The following BCO2 variants were observed in gnomAD, a reference collection of about 807,000 sequenced individuals.
The protein encoded by BCO2 is beta-carotene oxygenase 2.
In BCO2, 56 loss-of-function variants were observed where a neutral mutation model predicts 65.8. The ratio of observed to expected loss-of-function variants is 0.85; its 90% CI spans 0.69 to 1.06. The LOEUF is 1.06. Ranked by LOEUF, BCO2 falls within the 50% of genes least tolerant of loss-of-function variation. BCO2 has a pLI of 0.00. For missense variants in BCO2, 675 were observed against 698.5 expected, an observed-to-expected ratio of 0.97 and a Z score of 0.38; for synonymous variants, 233 against 242.3, an observed-to-expected ratio of 0.96 and a Z score of 0.36.
chr11:112,194,128 A>C (rs1352881605), intron 4 of BCO2, 134 bp downstream of exon 4: 14 of 623,284 alleles, frequency 2.2e-5, no homozygotes, highest in Non-Finnish European at 3.7e-5. Flanking sequence ...TTCATGATGC[A>C]GGTCACCTTT....
chr11:112,176,711 G>C (rs1592829202), intron 1 of BCO2, among the ~76,000 whole-genome samples: 1 of 152,266 alleles, frequency 6.6e-6, no homozygotes, highest in South Asian at 2.1e-4. Flanking sequence ...CATTTGGAAA[G>C]CATCCACTAT....
Position 112,217,836 on chromosome 11 carries a change from A to T in BCO2, c.1702A>T (p.Met568Leu), listed in dbSNP as rs761732355. 3 of 1,614,128 alleles carry T rather than the reference A, an allele frequency of 1.9e-6. No individual in the cohort carries two copies. The highest frequency in any genetic ancestry group is 2.5e-6 in the Non-Finnish European group (3 of 1,179,966). The change falls in exon 12 of 12, where the codon ATG becomes TTG. Residue 568 changes from methionine to leucine, a missense_variant. By Grantham distance (15) the Met-to-Leu change is conservative. Transcript: ENST00000357685. Reference sequence around the variant, plus strand: ...GGGCCGAGCAGAGGTACCTGTGCAGATGCCTTATGGGTTCCATGGTACCTT... The same window carrying T: ...GGGCCGAGCAGAGGTACCTGTGCAGTTGCCTTATGGGTTCCATGGTACCTT... Reference protein sequence around the residue: ...ELGRAEVPVQMPYGFHGTFIP... With the variant: ...ELGRAEVPVQLPYGFHGTFIP...
Position 112,218,574 on chromosome 11 carries a change from G to T in BCO2, c.*700G>T. 4.3e-6 allele frequency: 1 copy of T among 231,352 alleles called. No individual in the cohort carries two copies. Among genetic ancestry groups the T allele is most frequent in the South Asian group, 6.6e-5 (1 of 15,080 alleles). 14.3% of individuals were successfully genotyped at this position (231,352 alleles called of 1,614,324 possible). ...CCCTAATTAAGGTTGATGACAACAA[G>T]AAACCAGAGGAATGGGTAGGCCTCT... On this transcript the variant is annotated 3_prime_UTR_variant, in exon 12 of 12. Transcript: ENST00000357685.
chr11:112,188,739 C>T (rs1867281788), intron 2 of BCO2, among the ~76,000 whole-genome samples: 6 of 145,898 alleles, frequency 4.1e-5, no homozygotes, highest in Admixed American at 7.3e-5. Context: ...TCCTATTGCT[C>T]CTTCTCTGCA....
intron 8 of BCO2, among the ~76,000 whole-genome samples, chr11:112,210,274 G>T (rs575348403): frequency 1.3e-5 from 2 of 152,128 alleles, no homozygotes; most frequent in African/African-American, 2.4e-5. Context: ...GTTTATTTTG[G>T]TTTTTAATCA....
At position 112,193,969 on chromosome 11, in the gene BCO2, T is replaced by C. The variant is rs536357959; in HGVS notation, c.608T>C (p.Ile203Thr). Residue 203 changes from isoleucine to threonine, a missense_variant, in exon 4 of 12, where the codon ATT (isoleucine) becomes ACT (threonine). Coordinates refer to ENST00000357685, the MANE Select transcript of BCO2 (RefSeq NM_031938.7). ...ACCAACTTTATGAATAAAGTGGACA[T>C]TGAAACTCTGGAAAAAACAGAAAAG... ...TETNFMNKVD[I>T]ETLEKTEKVD... is the part of the protein sequence containing the mutation. The C allele has an allele frequency of 1.2e-6, 2 of 1,604,384 alleles. No individual in the cohort carries two copies. Among genetic ancestry groups the C allele is most frequent in the South Asian group, 1.1e-5 (1 of 90,848 alleles).
chr11:112,194,849 C>A, intron 5 of BCO2, 94 bp downstream of exon 5: 1 of 802,536 alleles, frequency 1.2e-6, no homozygotes. Flanking sequence ...TTTACTGGCA[C>A]AAGTAGAGAG....
chr11:112,203,949 G>T (rs371812013), intron 8 of BCO2, among the ~76,000 whole-genome samples: 1 of 152,176 alleles, frequency 6.6e-6, no homozygotes, highest in South Asian at 2.1e-4. Context: ...CTGCTCCCGG[G>T]TTCAAGTGAT....
chr11:112,193,478 A>G lies in BCO2; in HGVS notation c.298A>G (p.Asn100Asp), dbSNP rs762083376. The G allele has an allele frequency of 7.2e-5, 116 of 1,613,766 alleles. No individual in the cohort carries two copies. The highest frequency in any genetic ancestry group is 8.6e-5 in the Non-Finnish European group (102 of 1,179,846). ...TTTATTTTCTCCTGTTTGAAGGTAC[A>G]ATCATTGGTTTGATGGGATGGCGCT... ...GKFEFGKDKY[N>D]HWFDGMALLH... The change falls in exon 3 of 12, where the codon AAT becomes GAT. Residue 100 changes from asparagine (N) to aspartate (D), a missense_variant. Coordinates refer to ENST00000357685, the MANE Select transcript of BCO2 (RefSeq NM_031938.7).
chr11:112,202,271 C>A lies in BCO2; in HGVS notation c.1194+81C>A. ...GCTTTGGCTTTGGAATTACATGTTTCTCTCTCTCTCTCTCTCTCTTTTTTC... is the reference window on the plus strand; with the variant it reads ...GCTTTGGCTTTGGAATTACATGTTTATCTCTCTCTCTCTCTCTCTTTTTTC... On this transcript the variant is annotated intron_variant, in intron 8 of 11. Coordinates refer to ENST00000357685, the MANE Select transcript of BCO2 (RefSeq NM_031938.7). 5 of 605,250 alleles carry A rather than the reference C, an allele frequency of 8.3e-6. No individual in the cohort carries two copies. The South Asian group carries it at 1.9e-4, about 23-fold the overall frequency. 37.5% of individuals were successfully genotyped at this position (605,250 alleles called of 1,614,324 possible). A position where few individuals can be genotyped will look rare whatever the true frequency, so the allele number is the denominator to read the frequency against.
At chr11:112,208,632 C>G (rs563386962) in intron 8 of BCO2, 4 of 228,620 alleles carry the variant, frequency 1.7e-5, no homozygotes, top group African/African-American at 9.3e-5. Flanking sequence ...CTAGCAGTGT[C>G]GTTCAGGTAG....
intron 6 of BCO2, among the ~76,000 whole-genome samples, chr11:112,200,216 T>C (rs1867691067): frequency 6.6e-6 from 1 of 152,166 alleles, no homozygotes; most frequent in South Asian, 2.1e-4. Context: ...TTCTGTACTT[T>C]AAATCATTAT....
In BCO2 at chr11:112,213,784, T is replaced by C. The variant is rs1859579242; in HGVS notation, c.1255T>C (p.Leu419=). Reference sequence around the variant, plus strand: ...GTTTGTTTTGCCTTTAAATGTCAGTTTGAATGCCCCTGAGGGAGACAACCT... The same window carrying C: ...GTTTGTTTTGCCTTTAAATGTCAGTCTGAATGCCCCTGAGGGAGACAACCT... ...RRFVLPLNVS[L]NAPEGDNLSP... is the part of the protein sequence containing the mutation. The change falls in exon 9 of 12, where the codon TTG becomes CTG. Residue 419 remains leucine (L), a synonymous_variant. Transcript: ENST00000357685. 6.2e-7 allele frequency: 1 copy of C among 1,613,424 alleles called. No homozygotes were observed. Among genetic ancestry groups the C allele is most frequent in the African/African-American group, 1.3e-5 (1 of 74,790 alleles).
At chr11:112,191,827 A>G (rs1592845215) in intron 2 of BCO2, among the ~76,000 whole-genome samples, 1 of 152,210 alleles carries the variant, frequency 6.6e-6, no homozygotes, top group Non-Finnish European at 1.5e-5. Flanking sequence ...GAACTTAGGG[A>G]AATTTAGGTA....
chr11:112,178,468 T>C (rs12797880), intron 1 of BCO2, among the ~76,000 whole-genome samples: 25,426 of 152,224 alleles, frequency 0.17, 2,870 homozygotes, highest in Non-Finnish European at 0.25. Context: ...CTCATTTTTC[T>C]AGCCTAGATT....
At chr11:112,211,480 A>G (rs1051996826) in intron 8 of BCO2, among the ~76,000 whole-genome samples, 3 of 152,128 alleles carry the variant, frequency 2.0e-5, no homozygotes, top group Admixed American at 1.3e-4. Context: ...TTAGGTATAT[A>G]TCTAGAAGTG....
chr11:112,178,803 G>A (rs140687377), intron 1 of BCO2, among the ~76,000 whole-genome samples: 4,525 of 152,252 alleles, frequency 0.03, 124 homozygotes, highest in Admixed American at 0.093. Flanking sequence ...CACAGGAATC[G>A]CTATGAAGTC....
rs958639963 is a variant in BCO2, at chr11:112,202,150, A to G, written c.1154A>G (p.Gln385Arg). Residue 385 changes from glutamine to arginine, a missense_variant, in exon 8 of 12, where the codon CAG (glutamine) becomes CGG (arginine). Transcript: ENST00000357685. ...QDNGRTLEVYQLQNLRKAGEG... is the reference protein window; with the variant it reads ...QDNGRTLEVYRLQNLRKAGEG... Reference sequence around the variant, plus strand: ...AATGGAAGAACCCTAGAAGTTTACCAGTTACAGAATCTCAGGAAGGCTGGG... The same window carrying G: ...AATGGAAGAACCCTAGAAGTTTACCGGTTACAGAATCTCAGGAAGGCTGGG... The G allele has an allele frequency of 3.1e-6, 5 of 1,613,976 alleles. No individual in the cohort carries two copies. The highest frequency in any genetic ancestry group is 3.4e-6 in the Non-Finnish European group (4 of 1,179,908).
chr11:112,203,101 C>T (rs1392137141), intron 8 of BCO2, among the ~76,000 whole-genome samples: 1 of 150,580 alleles, frequency 6.6e-6, no homozygotes, highest in African/African-American at 2.4e-5. Flanking sequence ...CCTTATTACA[C>T]TTAAGCACCA....
Sources: gnomAD v4.1 joint callset for allele counts (sites outside exome capture counted in the v4.1 genomes callset) on GRCh38, gnomAD v4.1.1 for gene constraint, MANE v1.5 for transcripts, NCBI Gene and HGNC (gene_info 2026-07-23, HGNC 2026-07-21) for gene names.